The following PRKDC variants were observed in gnomAD, a reference collection of about 807,000 sequenced individuals.
The protein encoded by PRKDC is protein kinase, DNA-activated, catalytic subunit, also known as DNA-dependent protein kinase catalytic subunit.
PRKDC carries 82 observed loss-of-function variants against 486.9 expected under a neutral mutation model. The ratio of observed to expected loss-of-function variants is 0.17; its 90% confidence interval spans 0.14 to 0.20. The LOEUF is 0.20. Among genes scored for constraint, PRKDC ranks in the 10% least tolerant of loss-of-function variants. The pLI is 1.00. For synonymous variants in PRKDC, 1,895 were observed against 1,837.0 expected, an observed-to-expected ratio of 1.03 and a Z score of -0.81; for missense variants, 4,504 against 5,038.2, an observed-to-expected ratio of 0.89 and a Z score of 3.21.
rs2090236036 is a variant in PRKDC, at chr8:47,930,708, T to C, written c.1856A>G (p.Asp619Gly). The stretch of plus-strand genomic sequence containing the variant: ...CACCAGGTTAATGAAAGCCGAAAAA[T>C]CTTTAGGTTTAGCTGGATGCAAGTT... ...AANLHPAKPK[D>G]FSAFINLVEF... Residue 619 changes from aspartate to glycine, a missense_variant, in exon 17 of 86, where the codon GAT becomes GGT. Transcript: ENST00000314191. 6.3e-7 allele frequency: 1 copy of C among 1,585,584 alleles called. No homozygotes were observed. Among genetic ancestry groups the C allele is most frequent in the Non-Finnish European group, 8.6e-7 (1 of 1,165,370 alleles).
rs370106149 is a variant in PRKDC at position 47,893,255 on chromosome 8, A to G, written c.3731T>C (p.Leu1244Pro). 1 of 1,612,440 alleles carries G rather than the reference A, an allele frequency of 6.2e-7. No homozygotes were observed. The change falls in exon 31 of 86, where the codon CTT becomes CCT. Residue 1244 changes from leucine to proline, a missense_variant. By Grantham distance (98) the Leu-to-Pro change is moderately conservative (BLOSUM62 -3). Around this residue, in one of 6 missense-constraint regions of PRKDC, gnomAD observed 1,969 missense variants for 2,068.9 expected, o/e 0.95. Transcript: ENST00000314191. ...GILAQPTLLY[L>P]RGPFSLQATL... Reference sequence around the variant, plus strand: ...GGCCTGCAGGCTGAATGGCCCCCGAAGGTACAAGAGGGTGGGCTGGGCCAG... The same window carrying G: ...GGCCTGCAGGCTGAATGGCCCCCGAGGGTACAAGAGGGTGGGCTGGGCCAG...
intron 38 of PRKDC, 68 bp downstream of exon 38, chr8:47,881,348 C>T (rs1009754343): frequency 2.1e-6 from 2 of 972,132 alleles, no homozygotes; most frequent in African/African-American, 3.3e-5. Context: ...AAATAAAAAA[C>T]ATCACAAATA....
intron 61 of PRKDC, 34 bp downstream of exon 61, chr8:47,830,571 C>A (rs2087842221): frequency 1.2e-6 from 2 of 1,606,680 alleles, no homozygotes; most frequent in African/African-American, 1.3e-5. Context: ...CAGATTTTAA[C>A]CTGTCAACAG....
At chr8:47,853,582 C>T (rs1410968134) in intron 51 of PRKDC, among the ~76,000 whole-genome samples, 1 of 152,168 alleles carries the variant, frequency 6.6e-6, no homozygotes, top group Non-Finnish European at 1.5e-5. Context: ...AGCTCCCAGG[C>T]GGGATGGTGC....
intron 49 of PRKDC, 130 bp downstream of exon 49, chr8:47,857,026 C>G: frequency 9.5e-7 from 1 of 1,048,980 alleles, no homozygotes; most frequent in Non-Finnish European, 1.3e-6. Flanking sequence ...TAGGAGCACA[C>G]CAGCAATGTA....
intron 22 of PRKDC, among the ~76,000 whole-genome samples, chr8:47,917,487 T>A (rs2090004767): frequency 6.6e-6 from 1 of 152,212 alleles, no homozygotes; most frequent in African/African-American, 2.4e-5. Flanking sequence ...AATTCTTACT[T>A]CATTCCAAAA....
intron 30 of PRKDC, among the ~76,000 whole-genome samples, chr8:47,896,819 GT>G (rs2089591591): frequency 6.6e-6 from 1 of 152,124 alleles, no homozygotes; most frequent in African/African-American, 2.4e-5. Flanking sequence ...TCAAACCTAG[GT>G]TTGGACTTAA....
At chr8:47,841,667 A>T (rs1229377495) in intron 54 of PRKDC, among the ~76,000 whole-genome samples, 3 of 152,194 alleles carry the variant, frequency 2.0e-5, no homozygotes, top group African/African-American at 7.2e-5. Flanking sequence ...CACTGAGTAG[A>T]GTGAGACGTG....
intron 39 of PRKDC, among the ~76,000 whole-genome samples, chr8:47,878,404 C>T (rs1252114884): frequency 1.3e-5 from 2 of 152,090 alleles, no homozygotes; most frequent in Admixed American, 6.6e-5. Context: ...TGTACCTAGC[C>T]CCTATTCTTT....
chr8:47,895,297 G>A (rs931308530), intron 30 of PRKDC, among the ~76,000 whole-genome samples: 4 of 152,188 alleles, frequency 2.6e-5, no homozygotes, highest in Non-Finnish European at 4.4e-5. Flanking sequence ...CCACAGAAGA[G>A]ATAAATCAAG....
Position 47,863,502 on chromosome 8 carries a change from G to A in PRKDC, c.5647C>T (p.Arg1883Cys). 1 of 1,612,396 alleles carries A rather than the reference G, an allele frequency of 6.2e-7. No homozygotes were observed. The highest frequency in any genetic ancestry group is 8.5e-7 in the Non-Finnish European group (1 of 1,178,924). The change falls in exon 42 of 86, where the codon CGC (arginine) becomes TGC (cysteine). Residue 1883 changes from arginine (R) to cysteine (C), a missense_variant. This residue lies in a region of PRKDC where 80 missense variants were observed against 132.3 expected (regional missense o/e 0.60). Coordinates refer to ENST00000314191, the MANE Select transcript of PRKDC (RefSeq NM_006904.7). ...YYKILDVMYS[R>C]LPKDDVHAKE... ...GCATGAACATCATCTTTGGGAAGGC[G>A]AGAATACATCACGTCTAGAATCTTA...
chr8:47,857,317 A>G lies in PRKDC; in HGVS notation c.6466-18T>C. On this transcript the variant is annotated intron_variant, in intron 48 of 85. Coordinates refer to ENST00000314191, the MANE Select transcript of PRKDC (RefSeq NM_006904.7). ...CGAAAGACCTACAAGAGGATGTAAA[A>G]GTCAAACATCAAAGAATGGTCTTAA... 6.3e-7 allele frequency: 1 copy of G among 1,594,384 alleles called. No individual in the cohort carries two copies. Among genetic ancestry groups the G allele is most frequent in the Non-Finnish European group, 8.5e-7 (1 of 1,172,148 alleles).
At position 47,864,760 on chromosome 8, in the gene PRKDC, A is replaced by G. The variant is rs759468122; in HGVS notation, c.5367T>C (p.Gly1789=). ...QSSFRRIARR[G]SCVTQVGLLE... is the part of the protein sequence containing the mutation. ...GAAGGCCTACTTGTGTGACACATGA[A>G]CCCCTAAGAAAACAAGATAAAATTA... The change falls in exon 41 of 86, where the codon GGT becomes GGC. Residue 1789 remains glycine (G), a synonymous_variant. Coordinates refer to ENST00000314191, the MANE Select transcript of PRKDC (RefSeq NM_006904.7). The G allele has an allele frequency of 3.8e-6, 6 of 1,573,584 alleles. No individual in the cohort carries two copies. The South Asian group carries it at 5.8e-5, about 15-fold the overall frequency.
At chr8:47,779,884 G>GT in intron 80 of PRKDC, among the ~76,000 whole-genome samples, 1 of 138,370 alleles carries the variant, frequency 7.2e-6, no homozygotes, top group Non-Finnish European at 1.6e-5. Flanking sequence ...CACCACGCCT[G>GT]GCCTCTTTTT....
chr8:47,925,719 G>A (rs1055122258), intron 21 of PRKDC, among the ~76,000 whole-genome samples: 17 of 151,986 alleles, frequency 1.1e-4, no homozygotes, highest in African/African-American at 4.1e-4. Flanking sequence ...TGACACCTTC[G>A]GCTTATTCAC....
intron 7 of PRKDC, among the ~76,000 whole-genome samples, chr8:47,948,098 GCACACACA>G (rs141437463): frequency 2.1e-5 from 3 of 140,192 alleles, no homozygotes; most frequent in Non-Finnish European, 3.1e-5. Context: ...AAATATATTT[GCACACACA>G]CACACACACA....
chr8:47,921,637 T>C (rs1032113413), intron 21 of PRKDC, among the ~76,000 whole-genome samples: 17 of 152,216 alleles, frequency 1.1e-4, no homozygotes, highest in South Asian at 4.1e-4. Flanking sequence ...GTGAGCTCCA[T>C]GAGTCTGACA....
intron 62 of PRKDC, among the ~76,000 whole-genome samples, chr8:47,827,686 C>A (rs1013565030): frequency 2.6e-5 from 4 of 152,152 alleles, no homozygotes; most frequent in African/African-American, 9.7e-5. Context: ...CCTAATGTCC[C>A]TTTCTACATC....
intron 7 of PRKDC, among the ~76,000 whole-genome samples, chr8:47,950,041 G>T (rs1036826264): frequency 2.7e-5 from 4 of 150,606 alleles, no homozygotes; most frequent in African/African-American, 9.8e-5. Context: ...GGAGGCCGAG[G>T]CAGGTGGATC....
Sources: gnomAD v4.1 joint callset for allele counts (sites outside exome capture counted in the v4.1 genomes callset) on GRCh38, gnomAD v4.1.1 for gene constraint, gnomAD v4.1.1 regional missense constraint, MANE v1.5 for transcripts, NCBI Gene and HGNC (gene_info 2026-07-23, HGNC 2026-07-21) for gene names.